The following DPP7 variants were observed in gnomAD, a reference collection of about 807,000 sequenced individuals.
DPP7 encodes dipeptidyl peptidase 2.
In DPP7, 74 loss-of-function variants were observed where a neutral mutation model predicts 58.8. The ratio of observed to expected loss-of-function variants is 1.26; its 90% confidence interval spans 1.04 to 1.53. DPP7 has a LOEUF of 1.53. Ranked by LOEUF, DPP7 falls within the 40% of genes most tolerant of loss-of-function variation. The pLI, the probability that DPP7 is intolerant of heterozygous loss-of-function variation, is 0.00. For missense variants in DPP7, 807 were observed against 692.3 expected (o/e 1.17, Z -1.86); for synonymous variants, 350 against 303.6 (o/e 1.15, Z -1.59).
chr9:137,117,265 T>C (rs1005338008), upstream of DPP7, among the ~76,000 whole-genome samples: 2 of 152,210 alleles, frequency 1.3e-5, no homozygotes, highest in South Asian at 2.1e-4. Context: ...GGGGCCCAAC[T>C]TCTGCAGGAG....
Position 137,110,664 on chromosome 9 carries a change from G to A in DPP7, c.1463C>T (p.Pro488Leu). The A allele has an allele frequency of 1.2e-6, 2 of 1,609,250 alleles. No individual in the cohort carries two copies. The highest frequency in any genetic ancestry group is 1.7e-6 in the Non-Finnish European group (2 of 1,179,920). The part of the protein sequence containing the change: ...REQQPALRGG[P>L]RLSL ...GTCCTGTGCTCAGAGGCTGAGTCTG[G>A]GCCCCCCACGCAGAGCTGGCTGCTG... The change falls in exon 13 of 13, where the codon CCC becomes CTC. Residue 488 changes from proline (P) to leucine (L), a missense_variant. Pro to Leu is a moderately conservative substitution (Grantham distance 98, BLOSUM62 -3). Transcript: ENST00000371579.
At chr9:137,111,053 G>A (rs1831339052) in intron 11 of DPP7, 103 bp from the exon 12 acceptor site, 33 of 1,170,792 alleles carry the variant, frequency 2.8e-5, no homozygotes, top group Non-Finnish European at 4.0e-5. Context: ...CCGAGACTCA[G>A]TGCCCATCAA....
intron 11 of DPP7, 60 bp downstream of exon 11, chr9:137,111,630 C>G: frequency 6.3e-7 from 1 of 1,577,626 alleles, no homozygotes; most frequent in South Asian, 1.1e-5. Context: ...AGAGAAAGAC[C>G]CTGTCTCAAA....
upstream of DPP7, among the ~76,000 whole-genome samples, chr9:137,117,501 G>A (rs574388290): frequency 6.6e-5 from 10 of 152,346 alleles, no homozygotes; most frequent in Non-Finnish European, 1.5e-4. Context: ...GCAAGGGTGA[G>A]AGGCTGCTGA....
chr9:137,112,827 G>A (rs775876701), intron 7 of DPP7, 22 bp from the exon 8 acceptor site: 19 of 1,606,842 alleles, frequency 1.2e-5, no homozygotes, highest in African/African-American at 5.3e-5. Flanking sequence ...GGGCAGCGGC[G>A]ACTCAGCGGG....
chr9:137,115,124 CCAAA>C (rs1184774224), upstream of DPP7: 20 of 167,826 alleles, frequency 1.2e-4, no homozygotes, highest in South Asian at 2.0e-4. Flanking sequence ...GGAGAGGGTC[CCAAA>C]CAGAGTGCTG....
At chr9:137,114,769 G>A (rs554950120), upstream of DPP7, 14 of 1,218,018 alleles carry the variant, frequency 1.1e-5, no homozygotes, top group Admixed American at 3.5e-4. Context: ...GCCAGGGCGC[G>A]CTCCTCCCTC....
upstream of DPP7, among the ~76,000 whole-genome samples, chr9:137,117,676 G>C (rs1398655837): frequency 6.6e-6 from 1 of 152,232 alleles, no homozygotes; most frequent in Non-Finnish European, 1.5e-5. Context: ...AGACTGAAAG[G>C]CTATCGGCGG....
chr9:137,116,402 A>G (rs1383730992), upstream of DPP7, among the ~76,000 whole-genome samples: 3 of 152,374 alleles, frequency 2.0e-5, no homozygotes, highest in African/African-American at 7.2e-5. Flanking sequence ...GTGCCCACAG[A>G]AACATGTGCT....
chr9:137,110,638 A>G lies in DPP7; in HGVS notation c.*10T>C. The G allele has an allele frequency of 6.2e-7, 1 of 1,609,686 alleles. No homozygotes were observed. The highest frequency in any genetic ancestry group is 8.5e-7 in the Non-Finnish European group (1 of 1,179,738). On this transcript the variant is annotated 3_prime_UTR_variant, in exon 13 of 13. Coordinates refer to ENST00000371579, the MANE Select transcript of DPP7 (RefSeq NM_013379.3). ...CCATGAGGAGCCTTGAGACCCCTCC[A>G]GTCCTGTGCTCAGAGGCTGAGTCTG...
upstream of DPP7, among the ~76,000 whole-genome samples, chr9:137,117,889 A>T (rs879476837): frequency 1.3e-5 from 2 of 152,002 alleles, no homozygotes; most frequent in Non-Finnish European, 2.9e-5. Context: ...TGTAGCCATT[A>T]AACAATGGAC....
upstream of DPP7, chr9:137,115,257 G>T (rs1188858941): frequency 6.6e-6 from 1 of 152,520 alleles, no homozygotes; most frequent in Admixed American, 6.5e-5. Flanking sequence ...GCAGGGCCGG[G>T]ATGTGGCCGG....
intron 11 of DPP7, 96 bp downstream of exon 11, chr9:137,111,594 C>T (rs542543007): frequency 1.6e-5 from 22 of 1,405,008 alleles, no homozygotes; most frequent in Admixed American, 1.5e-4. Context: ...ACCCTGATCT[C>T]GCCACTGTAT....
chr9:137,111,106 G>T (rs1472491164), intron 11 of DPP7, among the ~76,000 whole-genome samples, 156 bp from the exon 12 acceptor site: 1 of 152,210 alleles, frequency 6.6e-6, no homozygotes, highest in African/African-American at 2.4e-5. Flanking sequence ...GGGAAGTGAC[G>T]AGATGATGGG....
At chr9:137,110,978 G>T in intron 11 of DPP7, 28 bp from the exon 12 acceptor site, 1 of 1,609,448 alleles carries the variant, frequency 6.2e-7, no homozygotes, top group Non-Finnish European at 8.5e-7. Context: ...AACTCCATCA[G>T]GTGAGGAACG....
In DPP7 at chr9:137,110,660, T is replaced by C. The variant is rs1465951743; in HGVS notation, c.1467A>G (p.Arg489=). 6.2e-7 allele frequency: 1 copy of C among 1,609,372 alleles called. No individual in the cohort carries two copies. Among genetic ancestry groups the C allele is most frequent in the East Asian group, 2.2e-5 (1 of 44,862 alleles). ...TCCAGTCCTGTGCTCAGAGGCTGAGTCTGGGCCCCCCACGCAGAGCTGGCT... is the reference window on the plus strand; with the variant it reads ...TCCAGTCCTGTGCTCAGAGGCTGAGCCTGGGCCCCCCACGCAGAGCTGGCT... ...EQQPALRGGP[R]LSL The change falls in exon 13 of 13, where the codon AGA becomes AGG. Residue 489 remains arginine, a synonymous_variant. Transcript: ENST00000371579.
rs773832810 is a variant in DPP7, at chr9:137,113,432, C to T, written c.550G>A (p.Ala184Thr). Residue 184 changes from alanine (A) to threonine (T), a missense_variant, in exon 5 of 13, where the codon GCG becomes ACG. This residue lies in a region of DPP7 where 624 missense variants were observed against 531.2 expected (regional missense o/e 1.17). Coordinates refer to ENST00000371579, the MANE Select transcript of DPP7 (RefSeq NM_013379.3). ...KYPHLVAGAL[A>T]ASAPVLAVAG... Reference sequence around the variant, plus strand: ...ACAGCTAGAACGGGCGCGCTGGCCGCCAGCGCCCCCGCCACCAGGTGGGGA... The same window carrying T: ...ACAGCTAGAACGGGCGCGCTGGCCGTCAGCGCCCCCGCCACCAGGTGGGGA... 161 of 1,605,070 alleles carry T rather than the reference C, an allele frequency of 1.0e-4. No homozygotes were observed. Among genetic ancestry groups the T allele is most frequent in the Middle Eastern group, 1.6e-4 (1 of 6,066 alleles).
In DPP7 at chr9:137,112,965, G is replaced by A; in HGVS notation, c.858C>T (p.Ala286=). The A allele has an allele frequency of 6.2e-7, 1 of 1,613,430 alleles. No individual in the cohort carries two copies. The highest frequency in any genetic ancestry group is 8.5e-7 in the Non-Finnish European group (1 of 1,179,986). The stretch of plus-strand genomic sequence containing the variant: ...GGCGGCGCCTCACCTTGACGGGGTT[G>A]GCAGGGAGGGGACCCAGGAAGTCAG... ...YPTDFLGPLP[A]NPVKVGCDRL... is the part of the protein sequence containing the mutation. Residue 286 remains alanine, a synonymous_variant, in exon 7 of 13, where the codon GCC becomes GCT. Coordinates refer to ENST00000371579, the MANE Select transcript of DPP7 (RefSeq NM_013379.3).
upstream of DPP7, chr9:137,115,180 C>CGGGCTGGGCTTGGCG (rs1831594394): frequency 6.5e-6 from 1 of 153,516 alleles, no homozygotes. Flanking sequence ...CAAGCGATAA[C>CGGGCTGGGCTTGGCG]GGGCTGGGCT....
Sources: gnomAD v4.1 joint callset for allele counts (sites outside exome capture counted in the v4.1 genomes callset) on GRCh38, gnomAD v4.1.1 for gene constraint, gnomAD v4.1.1 regional missense constraint, MANE v1.5 for transcripts, NCBI Gene and HGNC (gene_info 2026-07-23, HGNC 2026-07-21) for gene names.